The following SYCE1 variants were observed in gnomAD, a reference collection of about 807,000 sequenced individuals.
The protein encoded by SYCE1 is synaptonemal complex central element protein 1, also known as cancer/testis antigen 76.
A neutral mutation model predicts 55.1 loss-of-function variants in SYCE1; 37 were observed. That is an observed-to-expected ratio of 0.67 (90% CI 0.52 to 0.88). The LOEUF (loss-of-function observed/expected upper bound fraction) is 0.88, where lower values mean the gene tolerates loss of function less well. SYCE1 is among the 40% of genes least tolerant of loss of function. The pLI is 0.00. For missense variants in SYCE1, 399 were observed against 416.4 expected (o/e 0.96, Z 0.36); for synonymous variants, 163 against 159.4 (o/e 1.02, Z -0.17).
intron 7 of SYCE1, 31 bp from the exon 8 acceptor site, chr10:133,556,853 TG>T: frequency 6.2e-7 from 1 of 1,604,276 alleles, no homozygotes; most frequent in Non-Finnish European, 8.5e-7. Flanking sequence ...TGAGGGGATA[TG>T]GGCTGAAATC....
At chr10:133,564,198 A>C (rs915253797) in intron 1 of SYCE1, among the ~76,000 whole-genome samples, 43 of 152,162 alleles carry the variant, frequency 2.8e-4, no homozygotes, top group Admixed American at 1.2e-3. Flanking sequence ...TAGTGCCCTT[A>C]TAAGACCAGA....
At chr10:133,565,640 T>G (rs761786690), upstream of SYCE1, 13 of 1,024,354 alleles carry the variant, frequency 1.3e-5, no homozygotes, top group Non-Finnish European at 1.7e-5. Flanking sequence ...AATGCACTCC[T>G]GCGCGCGCCT....
At chr10:133,563,689 C>CAA (rs10659883) in intron 1 of SYCE1, among the ~76,000 whole-genome samples, 83,463 of 142,212 alleles carry the variant, frequency 0.59, 27,647 homozygotes, top group Non-Finnish European at 0.76. Flanking sequence ...AATCTCGTCT[C>CAA]AAAAAAAAAA....
intron 12 of SYCE1, 63 bp from the exon 13 acceptor site, chr10:133,555,192 C>A: frequency 6.5e-7 from 1 of 1,531,812 alleles, no homozygotes. Context: ...ATGGTCCCCT[C>A]CTGCCCCATC....
intron 1 of SYCE1, chr10:133,560,366 T>G: frequency 2.2e-6 from 1 of 457,858 alleles, no homozygotes; most frequent in Admixed American, 3.9e-5. Context: ...TGTAAAACTC[T>G]GGGTGAGGGC....
upstream of SYCE1, among the ~76,000 whole-genome samples, chr10:133,567,145 G>C (rs1443476645): frequency 6.6e-6 from 1 of 151,532 alleles, no homozygotes; most frequent in African/African-American, 2.4e-5. Context: ...TTAGGGTTAG[G>C]GGTCAGGGGT....
intron 6 of SYCE1, chr10:133,557,436 C>T: frequency 3.9e-6 from 2 of 509,772 alleles, no homozygotes; most frequent in Non-Finnish European, 7.0e-6. Context: ...TGTGCCAGGG[C>T]CTGGGGCCTC....
upstream of SYCE1, chr10:133,568,267 C>A (rs1851997352): frequency 7.0e-7 from 1 of 1,421,852 alleles, no homozygotes; most frequent in South Asian, 1.2e-5. Context: ...TTCCCCGGGT[C>A]CCGCGGCCCT....
chr10:133,558,792 G>T, intron 4 of SYCE1, 85 bp downstream of exon 4: 1 of 1,367,044 alleles, frequency 7.3e-7, no homozygotes. Flanking sequence ...CTTGGCCATG[G>T]CAAGGATGCT....
chr10:133,561,601 T>A (rs1851816367), intron 1 of SYCE1, among the ~76,000 whole-genome samples: 1 of 152,232 alleles, frequency 6.6e-6, no homozygotes, highest in Non-Finnish European at 1.5e-5. Context: ...GAGAGCAGTC[T>A]TCAGCCTAAG....
In SYCE1 at chr10:133,557,056, C is replaced by T. The variant is rs1432840610; in HGVS notation, c.464+11G>A. 6.2e-7 allele frequency: 1 copy of T among 1,613,716 alleles called. No homozygotes were observed. The highest frequency in any genetic ancestry group is 1.1e-5 in the South Asian group (1 of 91,068). On this transcript the variant is annotated intron_variant, in intron 7 of 12. Coordinates refer to ENST00000343131, the MANE Select transcript of SYCE1 (RefSeq NM_001143764.3). ...CCATCCAAACCCCCTGCCTCAGATG[C>T]TAAGGTTTACCTCAGCTGTCTCTGT...
chr10:133,554,343 G>T (rs903703723), downstream of SYCE1: 2 of 1,613,768 alleles, frequency 1.2e-6, no homozygotes, highest in African/African-American at 2.7e-5. Context: ...CAAGAAAAGG[G>T]ATCGCTTTGT....
At chr10:133,565,888 G>C (rs1438702152), upstream of SYCE1, among the ~76,000 whole-genome samples, 2 of 152,222 alleles carry the variant, frequency 1.3e-5, no homozygotes, top group Admixed American at 1.3e-4. Flanking sequence ...GAAGCTTCCT[G>C]TGAAGTGTGC....
At position 133,565,542 on chromosome 10, in the gene SYCE1, C is replaced by A. The variant is rs1221261699; in HGVS notation, c.-13G>T. 6 of 1,548,944 alleles carry A rather than the reference C, an allele frequency of 3.9e-6. No individual in the cohort carries two copies. In the East Asian group the frequency reaches 7.3e-5, roughly 19 times the overall value. Reference sequence around the variant, plus strand: ...ACCTCCCCGCCATTTCCTCTCAGCTCGCCAGCGAGGGTGCCTCGGGAGGGA... The same window carrying A: ...ACCTCCCCGCCATTTCCTCTCAGCTAGCCAGCGAGGGTGCCTCGGGAGGGA... On this transcript the variant is annotated 5_prime_UTR_variant, in exon 1 of 13. Transcript: ENST00000343131.
In SYCE1 at chr10:133,560,163, C is replaced by T; in HGVS notation, c.74-10G>A. On this transcript the variant is annotated splice_polypyrimidine_tract_variant and intron_variant, in intron 1 of 12. Transcript: ENST00000343131. ...GAGGACGTGTCCTGCCCTGTGGAGA[C>T]AAAACCAAACATTTCAGAATCAAGC... The T allele has an allele frequency of 6.2e-7, 1 of 1,613,570 alleles. No individual in the cohort carries two copies. Among genetic ancestry groups the T allele is most frequent in the Non-Finnish European group, 8.5e-7 (1 of 1,179,666 alleles).
chr10:133,560,377 A>G (rs1450011324), intron 1 of SYCE1: 3 of 418,694 alleles, frequency 7.2e-6, no homozygotes, highest in Non-Finnish European at 1.3e-5. Flanking sequence ...GGGTGAGGGC[A>G]GGGGTGCACT....
At chr10:133,559,243 C>G in intron 3 of SYCE1, 58 bp downstream of exon 3, 1 of 1,575,644 alleles carries the variant, frequency 6.3e-7, no homozygotes, top group Non-Finnish European at 8.7e-7. Context: ...TCACTTGGCA[C>G]TGAGCCCCGC....
At chr10:133,559,505 C>T in intron 2 of SYCE1, 145 bp from the exon 3 acceptor site, 4 of 749,808 alleles carry the variant, frequency 5.3e-6, no homozygotes, top group Admixed American at 2.2e-5. Flanking sequence ...ACGGGGCTCA[C>T]GTTCTGGGTG....
In SYCE1 at chr10:133,555,616, G is replaced by C. The variant is rs1197087119; in HGVS notation, c.811C>G (p.Gln271Glu). ...HQQLQQKCQQ[Q>E]QQKRQRLKEE... The stretch of plus-strand genomic sequence containing the variant: ...ACGCACCTCTGCCGCTTCTGCTGCT[G>C]TTGTTGGCACTTCTGCTGCAGCTGC... Residue 271 changes from glutamine to glutamate, a missense_variant, in exon 11 of 13, where the codon CAG becomes GAG. Coordinates refer to ENST00000343131, the MANE Select transcript of SYCE1 (RefSeq NM_001143764.3). The C allele has an allele frequency of 1.2e-6, 2 of 1,605,920 alleles. No homozygotes were observed. The highest frequency in any genetic ancestry group is 2.7e-5 in the African/African-American group (2 of 74,900).
Sources: gnomAD v4.1 joint callset for allele counts (sites outside exome capture counted in the v4.1 genomes callset) on GRCh38, gnomAD v4.1.1 for gene constraint, MANE v1.5 for transcripts, NCBI Gene and HGNC (gene_info 2026-07-23, HGNC 2026-07-21) for gene names.